CAMKMT: variants seen among roughly 807,000 people sequenced by gnomAD.
CAMKMT encodes the protein calmodulin-lysine N-methyltransferase, also known as CaM KMT.
In CAMKMT, 53 loss-of-function variants were observed where a neutral mutation model predicts 48.0. That is an observed-to-expected ratio of 1.10 (90% CI 0.89 to 1.39). CAMKMT has a LOEUF of 1.39. CAMKMT is among the 40% of genes most tolerant of loss of function. CAMKMT has a pLI of 0.00. For synonymous variants in CAMKMT, 165 were observed against 152.3 expected (o/e 1.08, Z -0.61); for missense variants, 428 against 402.7 (o/e 1.06, Z -0.54).
rs1012944948 is a variant in CAMKMT, at chr2:44,486,371, T to C, written c.376+96066T>C. On this transcript the variant is annotated intron_variant, in intron 3 of 10. Coordinates refer to ENST00000378494, the MANE Select transcript of CAMKMT (RefSeq NM_024766.5). ...AAACAAGTTTAATAAAAAAGAGAGG[T>C]AACAGAAGTTGTGTTTTGTTTGTTG... is the stretch of plus-strand genomic sequence containing the variant. Among the ~76,000 whole-genome samples, 9 of 152,226 alleles carry C rather than the reference T, an allele frequency of 5.9e-5. 1 individual carries two copies. Among genetic ancestry groups the C allele is most frequent in the Admixed American group, 5.9e-4 (9 of 15,274 alleles).
intron 9 of CAMKMT, among the ~76,000 whole-genome samples, chr2:44,763,485 G>A (rs992296785): frequency 2.0e-5 from 3 of 152,206 alleles, no homozygotes; most frequent in Admixed American, 1.3e-4. Context: ...TGCTTACTAT[G>A]TGCTAGGCAC....
intron 8 of CAMKMT, among the ~76,000 whole-genome samples, chr2:44,745,706 G>A (rs1285150336): frequency 1.3e-5 from 2 of 151,696 alleles, no homozygotes; most frequent in Non-Finnish European, 2.9e-5. Flanking sequence ...TTTCCCATTT[G>A]TAAATGTGAA....
intron 3 of CAMKMT, among the ~76,000 whole-genome samples, chr2:44,597,295 A>G (rs945523914): frequency 5.3e-5 from 8 of 152,236 alleles, no homozygotes; most frequent in African/African-American, 1.9e-4. Flanking sequence ...TTAATTTGTG[A>G]ATAATGAATT....
intron 7 of CAMKMT, among the ~76,000 whole-genome samples, chr2:44,739,549 A>AGTATCTACTAT (rs1679554398): frequency 1.3e-5 from 2 of 152,232 alleles, no homozygotes; most frequent in African/African-American, 4.8e-5. Flanking sequence ...CCAAGTGGAA[A>AGTATCTACTAT]TATTAAAATA....
chr2:44,474,014 G>A (rs7573884), intron 3 of CAMKMT, among the ~76,000 whole-genome samples: 4 of 152,120 alleles, frequency 2.6e-5, no homozygotes, highest in Non-Finnish European at 4.4e-5. Flanking sequence ...TTGGCTATTT[G>A]CAGCACAAGG....
intron 3 of CAMKMT, among the ~76,000 whole-genome samples, chr2:44,478,532 G>C (rs985426173): frequency 6.6e-6 from 1 of 151,870 alleles, no homozygotes; most frequent in Non-Finnish European, 1.5e-5. Context: ...TTCTGCCCTT[G>C]GTTATAACAC....
At chr2:44,446,491 G>A (rs1035035869) in intron 3 of CAMKMT, among the ~76,000 whole-genome samples, 3 of 151,970 alleles carry the variant, frequency 2.0e-5, no homozygotes, top group Non-Finnish European at 2.9e-5. Flanking sequence ...GATTACAGGT[G>A]TGTGCCACCA....
Position 44,772,058 on chromosome 2 carries a change from T to C in CAMKMT, c.917T>C (p.Ile306Thr), listed in dbSNP as rs764378355. The change falls in exon 11 of 11, where the codon ATA (isoleucine) becomes ACA (threonine). Residue 306 changes from isoleucine (I) to threonine (T), a missense_variant. Coordinates refer to ENST00000378494, the MANE Select transcript of CAMKMT (RefSeq NM_024766.5). ...CAGTTGAAAAAGGAAAACCCGGACATATATGAAGAAAACCTTCATTACCCG... is the reference window on the plus strand; with the variant it reads ...CAGTTGAAAAAGGAAAACCCGGACACATATGAAGAAAACCTTCATTACCCG... ...HSKLKKENPDIYEENLHYPLL... is the reference protein window; with the variant it reads ...HSKLKKENPDTYEENLHYPLL... 1.2e-6 allele frequency: 2 copies of C among 1,613,666 alleles called. No individual in the cohort carries two copies. Among genetic ancestry groups the C allele is most frequent in the Non-Finnish European group, 1.7e-6 (2 of 1,179,716 alleles).
At chr2:44,708,656 T>C (rs1677699348) in intron 6 of CAMKMT, among the ~76,000 whole-genome samples, 1 of 152,160 alleles carries the variant, frequency 6.6e-6, no homozygotes, top group Non-Finnish European at 1.5e-5. Flanking sequence ...TTTCAAAATA[T>C]TCCTGAAGAT....
At chr2:44,633,744 A>G (rs963814369) in intron 3 of CAMKMT, among the ~76,000 whole-genome samples, 2 of 151,848 alleles carry the variant, frequency 1.3e-5, no homozygotes, top group Non-Finnish European at 2.9e-5. Context: ...GTCCACTTCT[A>G]TGGTTAAATT....
chr2:44,431,351 A>G (rs939010439), intron 3 of CAMKMT, among the ~76,000 whole-genome samples: 3 of 152,172 alleles, frequency 2.0e-5, no homozygotes, highest in African/African-American at 7.2e-5. Flanking sequence ...TCCCAATTCA[A>G]TTTTAAGTAC....
chr2:44,471,188 AC>A lies in CAMKMT; in HGVS notation c.376+80885del, dbSNP rs1360257495. Reference sequence around the variant, plus strand: ...GTATTTTTAGTAGAGACGGGGTTTCACCATGTTGGCCAGGCTGGTCTGAAAC... The same window carrying A: ...GTATTTTTAGTAGAGACGGGGTTTCACATGTTGGCCAGGCTGGTCTGAAAC... On this transcript the variant is annotated intron_variant, in intron 3 of 10. Transcript: ENST00000378494. Among the ~76,000 whole-genome samples the A allele has an allele frequency of 1.1e-4, 17 of 151,780 alleles. 1 individual carries two copies. Among genetic ancestry groups the A allele is most frequent in the Non-Finnish European group, 2.5e-4 (17 of 67,922 alleles).
intron 3 of CAMKMT, among the ~76,000 whole-genome samples, chr2:44,525,855 C>G (rs951671653): frequency 6.6e-6 from 1 of 150,650 alleles, no homozygotes; most frequent in East Asian, 2.0e-4. Flanking sequence ...CTTTTCTTTT[C>G]TTTTCTTTTA....
intron 6 of CAMKMT, among the ~76,000 whole-genome samples, chr2:44,710,608 T>C (rs1381708228): frequency 6.7e-6 from 1 of 149,306 alleles, no homozygotes; most frequent in African/African-American, 2.4e-5. Flanking sequence ...GTGTGAAACA[T>C]GTTCCTTTTC....
intron 9 of CAMKMT, among the ~76,000 whole-genome samples, chr2:44,754,794 C>T (rs765486814): frequency 1.1e-4 from 16 of 150,652 alleles, no homozygotes; most frequent in East Asian, 1.9e-4. Context: ...GCAGCCTAAA[C>T]GGAGAGTTAA....
chr2:44,561,956 A>G (rs978657751), intron 3 of CAMKMT, among the ~76,000 whole-genome samples: 1 of 152,174 alleles, frequency 6.6e-6, no homozygotes, highest in Non-Finnish European at 1.5e-5. Context: ...TATAAGAGGG[A>G]GAAAAAAGTG....
At chr2:44,673,712 G>A (rs1675497282) in intron 3 of CAMKMT, among the ~76,000 whole-genome samples, 1 of 152,068 alleles carries the variant, frequency 6.6e-6, no homozygotes, top group Non-Finnish European at 1.5e-5. Context: ...TAAGCGTTAA[G>A]GAAAGGGGGA....
intron 7 of CAMKMT, among the ~76,000 whole-genome samples, chr2:44,716,609 G>T (rs1678187441): frequency 6.6e-6 from 1 of 152,118 alleles, no homozygotes; most frequent in Non-Finnish European, 1.5e-5. Flanking sequence ...GAAAACCTGG[G>T]GTAGGTTGAG....
At chr2:44,457,651 C>A (rs1250058427) in intron 3 of CAMKMT, among the ~76,000 whole-genome samples, 2 of 152,138 alleles carry the variant, frequency 1.3e-5, no homozygotes, top group East Asian at 3.9e-4. Flanking sequence ...CCCGCCTTGG[C>A]CTCCCAAAAG....
Sources: allele counts gnomAD v4.1 joint callset (sites outside exome capture counted in the v4.1 genomes callset), GRCh38; gene constraint gnomAD v4.1.1; transcripts MANE v1.5; gene names NCBI Gene and HGNC (gene_info 2026-07-23, HGNC 2026-07-21).